RORA: variants seen among roughly 807,000 people sequenced by gnomAD.
RORA encodes the protein nuclear receptor ROR-alpha.
A neutral mutation model predicts 69.5 loss-of-function variants in RORA; 7 were observed. That is an observed-to-expected ratio of 0.10 (90% CI 0.06 to 0.19). RORA has a LOEUF of 0.19. Ranked by LOEUF, RORA falls within the 10% of genes least tolerant of loss-of-function variation. The pLI is 1.00. For synonymous variants in RORA, 261 were observed against 240.8 expected, an observed-to-expected ratio of 1.08 and a Z score of -0.78; for missense variants, 457 against 663.0, an observed-to-expected ratio of 0.69 and a Z score of 3.41.
intron 1 of RORA, among the ~76,000 whole-genome samples, chr15:61,174,920 C>T (rs1410819593): frequency 6.6e-6 from 1 of 152,202 alleles, no homozygotes; most frequent in Non-Finnish European, 1.5e-5. Flanking sequence ...GGTTAAATAA[C>T]TTGCCCACAG....
At chr15:61,188,652 A>G (rs1042958210) in intron 1 of RORA, among the ~76,000 whole-genome samples, 2 of 152,158 alleles carry the variant, frequency 1.3e-5, no homozygotes, top group African/African-American at 4.8e-5. Context: ...TAATAATTTA[A>G]ATAAATAATT....
intron 1 of RORA, among the ~76,000 whole-genome samples, chr15:61,071,979 A>G (rs1326825130): frequency 2.0e-5 from 3 of 152,036 alleles, no homozygotes; most frequent in Admixed American, 1.3e-4. Flanking sequence ...AACAACCACT[A>G]AAGTCTCTAG....
chr15:60,752,633 C>G (rs1254213095), intron 1 of RORA, among the ~76,000 whole-genome samples: 1 of 150,538 alleles, frequency 6.6e-6, no homozygotes, highest in Non-Finnish European at 1.5e-5. Flanking sequence ...CCCCACCCGC[C>G]TCGAGTTTAT....
At chr15:61,113,079 C>T (rs776792071) in intron 1 of RORA, among the ~76,000 whole-genome samples, 3 of 152,216 alleles carry the variant, frequency 2.0e-5, no homozygotes. Context: ...TCTTCACAAC[C>T]CTGGGGACAG....
At chr15:61,144,120 G>A (rs1336313498) in intron 1 of RORA, among the ~76,000 whole-genome samples, 1 of 152,172 alleles carries the variant, frequency 6.6e-6, no homozygotes, top group African/African-American at 2.4e-5. Flanking sequence ...CCTCTACTGG[G>A]CTCCCTGGGA....
chr15:61,055,742 G>C (rs892013992), intron 1 of RORA, among the ~76,000 whole-genome samples: 4 of 152,226 alleles, frequency 2.6e-5, no homozygotes, highest in Admixed American at 6.5e-5. Flanking sequence ...CCATTTCAGT[G>C]AAAAGTGTAG....
In RORA at chr15:60,848,134, C is replaced by T. The variant is rs537690055; in HGVS notation, c.167-169448G>A. ...CAGGTCCAGGATCTTTGCAGCCTGT[C>T]CCCCTCATCTGTTTTTGTCGTGTGG... On this transcript the variant is annotated intron_variant, in intron 1 of 10. Transcript: ENST00000335670. 2.0e-5 allele frequency: 3 copies of T among 152,396 alleles called. No individual in the cohort carries two copies. The East Asian group carries it at 5.8e-4, about 29-fold the overall frequency. The allele number at this position is 152,396 out of a possible 1,614,324, so 9.4% of individuals were successfully genotyped here.
At chr15:60,784,475 G>C (rs2072308602) in intron 1 of RORA, among the ~76,000 whole-genome samples, 1 of 152,184 alleles carries the variant, frequency 6.6e-6, no homozygotes, top group Admixed American at 6.5e-5. Context: ...ATAGAGCTTT[G>C]ATTCCATCAC....
At chr15:60,800,446 C>T (rs1472966006) in intron 1 of RORA, among the ~76,000 whole-genome samples, 1 of 152,204 alleles carries the variant, frequency 6.6e-6, no homozygotes. Flanking sequence ...GCGTCTCTGA[C>T]TCAGCTCTGG....
At chr15:60,652,452 G>C (rs547279926) in intron 2 of RORA, among the ~76,000 whole-genome samples, 2 of 152,276 alleles carry the variant, frequency 1.3e-5, no homozygotes, top group African/African-American at 4.8e-5. Context: ...TCTGTGACAG[G>C]TTTTGCGCAT....
At chr15:60,575,017 G>A (rs532580516) in intron 2 of RORA, among the ~76,000 whole-genome samples, 5 of 152,046 alleles carry the variant, frequency 3.3e-5, no homozygotes, top group Non-Finnish European at 7.4e-5. Context: ...TGTACTACTC[G>A]ATTTTTTATG....
At chr15:60,902,238 G>C (rs1891412620) in intron 1 of RORA, among the ~76,000 whole-genome samples, 2 of 152,116 alleles carry the variant, frequency 1.3e-5, no homozygotes, top group Non-Finnish European at 2.9e-5. Context: ...TGCAGTGAAG[G>C]CTCTTTAGAT....
chr15:61,167,727 T>C (rs2079550650), intron 1 of RORA, among the ~76,000 whole-genome samples: 1 of 152,208 alleles, frequency 6.6e-6, no homozygotes. Context: ...GTGTTACTTT[T>C]AATACAGCAT....
intron 1 of RORA, among the ~76,000 whole-genome samples, chr15:60,996,898 A>T (rs1224778104): frequency 6.6e-6 from 1 of 151,734 alleles, no homozygotes; most frequent in Non-Finnish European, 1.5e-5. Flanking sequence ...AGACAGGGAG[A>T]CTACGTCTTA....
Position 60,688,613 on chromosome 15 carries a change from G to C in RORA, c.167-9927C>G, listed in dbSNP as rs547177683. Reference sequence around the variant, plus strand: ...ACCCTATGTGAAGTCTGAAGTGAAAGTGTGATAGCATAGCTGGCTACTTTC... The same window carrying C: ...ACCCTATGTGAAGTCTGAAGTGAAACTGTGATAGCATAGCTGGCTACTTTC... On this transcript the variant is annotated intron_variant, in intron 1 of 10. Transcript: ENST00000335670. 2.0e-5 allele frequency among the ~76,000 whole-genome samples: 3 copies of C among 152,218 alleles called. No homozygotes were observed. The South Asian group carries it at 6.2e-4, about 32-fold the overall frequency.
intron 1 of RORA, among the ~76,000 whole-genome samples, chr15:60,938,163 T>C (rs554685282): frequency 6.6e-6 from 1 of 152,196 alleles, no homozygotes; most frequent in Admixed American, 6.5e-5. Context: ...TGTTTTTATA[T>C]ATAAAGTACA....
At chr15:60,604,621 C>T (rs753501484) in intron 2 of RORA, among the ~76,000 whole-genome samples, 3 of 152,150 alleles carry the variant, frequency 2.0e-5, no homozygotes, top group Non-Finnish European at 2.9e-5. Flanking sequence ...TTAAGGCTTA[C>T]CATAGTGCCT....
chr15:60,874,907 A>C (rs1279160553), intron 1 of RORA, among the ~76,000 whole-genome samples: 1 of 152,226 alleles, frequency 6.6e-6, no homozygotes, highest in Admixed American at 6.5e-5. Context: ...GAATAATACT[A>C]TCTACACCTC....
chr15:60,765,034 G>C (rs2279294), intron 1 of RORA: 40,225 of 151,800 alleles, frequency 0.26, 7,878 homozygotes, highest in African/African-American at 0.56. Context: ...CTATTGAATC[G>C]GGAAGTTGGT....
Sources: gnomAD v4.1 joint callset for allele counts (sites outside exome capture counted in the v4.1 genomes callset) on GRCh38, gnomAD v4.1.1 for gene constraint, MANE v1.5 for transcripts, NCBI Gene and HGNC (gene_info 2026-07-23, HGNC 2026-07-21) for gene names.